Variants in EXOC3 observed in about 807,000 individuals in gnomAD.
EXOC3 encodes the protein exocyst complex component 3, also known as SEC6-like 1.
Under a neutral mutation model 73.7 loss-of-function variants are expected in EXOC3, and 21 were observed. The ratio of observed to expected loss-of-function variants is 0.29; its 90% CI spans 0.20 to 0.41. The LOEUF (loss-of-function observed/expected upper bound fraction) is 0.41, where lower values mean the gene tolerates loss of function less well. Ranked by LOEUF, EXOC3 falls within the 10% of genes least tolerant of loss-of-function variation. EXOC3 has a pLI of 1.00. For synonymous variants in EXOC3, 410 were observed against 389.1 expected (o/e 1.05, Z -0.63); for missense variants, 842 against 985.1 (o/e 0.85, Z 1.95).
intron 3 of EXOC3, among the ~76,000 whole-genome samples, chr5:448,110 G>A (rs1232466874): frequency 1.3e-5 from 2 of 152,336 alleles, no homozygotes; most frequent in East Asian, 3.9e-4. Flanking sequence ...AAAAGGAGCT[G>A]CAGGAGAAGC....
chr5:463,443 T>G (rs1487172233), intron 9 of EXOC3, among the ~76,000 whole-genome samples: 1 of 152,182 alleles, frequency 6.6e-6, no homozygotes, highest in South Asian at 2.1e-4. Flanking sequence ...CTCGAAGCAA[T>G]GAATGCTCAA....
At chr5:463,592 T>TA (rs1287655233) in intron 9 of EXOC3, among the ~76,000 whole-genome samples, 5 of 152,246 alleles carry the variant, frequency 3.3e-5, no homozygotes, top group Non-Finnish European at 7.3e-5. Flanking sequence ...AGCTTGGAAA[T>TA]ACAGCCATTG....
At position 446,196 on chromosome 5, in the gene EXOC3, C is replaced by A; in HGVS notation, c.-10C>A. 6.2e-7 allele frequency: 1 copy of A among 1,613,950 alleles called. No individual in the cohort carries two copies. Among genetic ancestry groups the A allele is most frequent in the Non-Finnish European group, 8.5e-7 (1 of 1,179,852 alleles). On this transcript the variant is annotated 5_prime_UTR_variant, in exon 2 of 13. Coordinates refer to ENST00000512944, the MANE Select transcript of EXOC3 (RefSeq NM_007277.5). ...ATGAACAGTGTGAGGATTCCACCAG[C>A]TTTTTCACCATGAAGGAGACAGACC...
At chr5:450,880 T>C (rs1737643288) in intron 3 of EXOC3, among the ~76,000 whole-genome samples, 1 of 152,162 alleles carries the variant, frequency 6.6e-6, no homozygotes, top group Non-Finnish European at 1.5e-5. Flanking sequence ...GGAATATCTT[T>C]TTCCACCCTT....
At chr5:454,674 A>G (rs977007992) in intron 4 of EXOC3, among the ~76,000 whole-genome samples, 25 of 152,186 alleles carry the variant, frequency 1.6e-4, no homozygotes, top group Admixed American at 3.9e-4. Flanking sequence ...AATTTGAAGT[A>G]GTGTTGAAAA....
At chr5:462,426 T>G in intron 9 of EXOC3, 119 bp downstream of exon 9, 1 of 1,144,782 alleles carries the variant, frequency 8.7e-7, no homozygotes, top group Non-Finnish European at 1.3e-6. Context: ...AGCCGGGCTG[T>G]GCACTTGCAT....
intron 5 of EXOC3, chr5:457,252 C>G (rs529875190): frequency 1.0e-4 from 52 of 513,330 alleles, no homozygotes; most frequent in Non-Finnish European, 1.7e-4. Flanking sequence ...GTGCCCTACT[C>G]GGCAGGCTGG....
At chr5:449,630 T>C (rs998131670) in intron 3 of EXOC3, among the ~76,000 whole-genome samples, 2 of 152,246 alleles carry the variant, frequency 1.3e-5, no homozygotes, top group East Asian at 3.8e-4. Flanking sequence ...AGAATTTCCT[T>C]CACTTTTAAG....
chr5:457,875 C>T (rs758336363), intron 5 of EXOC3, 25 bp from the exon 6 acceptor site: 9 of 1,592,078 alleles, frequency 5.7e-6, no homozygotes, highest in South Asian at 2.3e-5. Context: ...CTCTTCTCTT[C>T]TCCATGATGC....
intron 3 of EXOC3, among the ~76,000 whole-genome samples, chr5:448,847 C>T (rs1358904605): frequency 6.6e-6 from 1 of 152,232 alleles, no homozygotes; most frequent in Non-Finnish European, 1.5e-5. Flanking sequence ...CGTAGGGTCA[C>T]ATGTGTGGCT....
Position 447,678 on chromosome 5 carries a change from A to C in EXOC3, c.290A>C (p.Lys97Thr). 6.3e-7 allele frequency: 1 copy of C among 1,590,712 alleles called. No homozygotes were observed. The highest frequency in any genetic ancestry group is 1.8e-5 in the Admixed American group (1 of 56,698). Residue 97 changes from lysine (K) to threonine (T), a missense_variant, in exon 3 of 13, where the codon AAG (lysine) becomes ACG (threonine). By Grantham distance (78) the Lys-to-Thr change is moderately conservative (BLOSUM62 -1). Coordinates refer to ENST00000512944, the MANE Select transcript of EXOC3 (RefSeq NM_007277.5). ...RQSINTIESL[K>T]DVKDAVVQHS... is the part of the protein sequence containing the mutation. The stretch of plus-strand genomic sequence containing the variant: ...AGCATCAACACCATTGAGAGCCTCA[A>C]GGACGTCAAAGACGCCGTGGTGCAG...
chr5:463,493 G>A (rs1415138943), intron 9 of EXOC3, among the ~76,000 whole-genome samples: 1 of 152,210 alleles, frequency 6.6e-6, no homozygotes, highest in Non-Finnish European at 1.5e-5. Flanking sequence ...AGCCGGAGAC[G>A]TGGATGCTGT....
chr5:464,990 C>T (rs1255375358), intron 10 of EXOC3, 121 bp from the exon 11 acceptor site: 7 of 1,018,732 alleles, frequency 6.9e-6, no homozygotes, highest in African/African-American at 6.5e-5. Context: ...CGTGGCGGAG[C>T]GAGGAGGAGT....
intron 5 of EXOC3, chr5:457,289 T>G: frequency 2.3e-6 from 1 of 436,096 alleles, no homozygotes; most frequent in East Asian, 4.4e-5. Context: ...CTGAACCGTG[T>G]GTGGCAGCAC....
At position 453,418 on chromosome 5, in the gene EXOC3, T is replaced by A. The variant is rs1737710932; in HGVS notation, c.413T>A (p.Leu138His). ...CAGGACCTAATTGAACAAGGGGCACTCCTGCAAGCCCACCGGAAGCTGATG... is the reference window on the plus strand; with the variant it reads ...CAGGACCTAATTGAACAAGGGGCACACCTGCAAGCCCACCGGAAGCTGATG... ...ETQDLIEQGA[L>H]LQAHRKLMDL... Residue 138 changes from leucine (L) to histidine (H), a missense_variant, in exon 4 of 13, where the codon CTC becomes CAC. Physicochemically the swap from Leu to His is moderately conservative, Grantham distance 99 (BLOSUM62 -3). Transcript: ENST00000512944. 1 of 1,602,568 alleles carries A rather than the reference T, an allele frequency of 6.2e-7. No homozygotes were observed. Among genetic ancestry groups the A allele is most frequent in the Admixed American group, 1.7e-5 (1 of 58,032 alleles).
intron 7 of EXOC3, among the ~76,000 whole-genome samples, chr5:460,778 G>A (rs1001258270): frequency 6.6e-6 from 1 of 152,212 alleles, no homozygotes; most frequent in African/African-American, 2.4e-5. Flanking sequence ...TTTCTTTGGA[G>A]GTCATTGTCA....
At position 456,907 on chromosome 5, in the gene EXOC3, C is replaced by T. The variant is rs989531810; in HGVS notation, c.1065C>T (p.Asn355=). ...NTYTSTEMMR[N]VELAPEVDVG... ...CCCATAGTACTGAGATGATGAGGAA[C>T]GTGGAGCTGGCCCCGGAAGTGGATG... Residue 355 remains asparagine, a synonymous_variant, in exon 5 of 13, where the codon AAC becomes AAT. Transcript: ENST00000512944. 9.9e-6 allele frequency: 16 copies of T among 1,613,832 alleles called. No homozygotes were observed. Among genetic ancestry groups the T allele is most frequent in the South Asian group, 6.6e-5 (6 of 91,074 alleles).
chr5:466,445 A>T, intron 12 of EXOC3: 1 of 404,978 alleles, frequency 2.5e-6, no homozygotes, highest in Admixed American at 4.0e-5. Context: ...AAACGTGGAA[A>T]AACGGGGTCT....
chr5:447,992 G>A (rs559672508), intron 3 of EXOC3, among the ~76,000 whole-genome samples: 1 of 152,342 alleles, frequency 6.6e-6, no homozygotes, highest in East Asian at 1.9e-4. Context: ...GGGCTGCCCA[G>A]CAAATGCAGT....
Sources: gnomAD v4.1 joint callset for allele counts (sites outside exome capture counted in the v4.1 genomes callset) on GRCh38, gnomAD v4.1.1 for gene constraint, MANE v1.5 for transcripts, NCBI Gene and HGNC (gene_info 2026-07-23, HGNC 2026-07-21) for gene names.